PEPD: variants seen among roughly 807,000 people sequenced by gnomAD.
The protein encoded by PEPD is peptidase D.
Under a neutral mutation model 60.7 loss-of-function variants are expected in PEPD, and 53 were observed. That is an observed-to-expected ratio of 0.87 (90% confidence interval 0.70 to 1.10). The LOEUF is 1.10. Among genes scored for constraint, PEPD ranks in the 50% least tolerant of loss-of-function variants. PEPD has a pLI of 0.00. For missense variants in PEPD, 711 were observed against 711.9 expected, an observed-to-expected ratio of 1.00 and a Z score of 0.01; for synonymous variants, 267 against 284.1, an observed-to-expected ratio of 0.94 and a Z score of 0.60.
Position 33,447,953 on chromosome 19 carries a change from C to T in PEPD, c.671+15042G>A, listed in dbSNP as rs141041423. 7.0e-3 allele frequency among the ~76,000 whole-genome samples: 1,067 copies of T among 152,282 alleles called. 6 individuals carry two copies. The highest frequency in any genetic ancestry group is 0.011 in the South Asian group (54 of 4,822). On this transcript the variant is annotated intron_variant, in intron 9 of 14. Coordinates refer to ENST00000244137, the MANE Select transcript of PEPD (RefSeq NM_000285.4). ...AGCCCCGGAACACAGAGCCTGCTGT[C>T]GGAGTATCTAACAGGGATGGGGAGG...
chr19:33,493,899 G>A (rs527541987), intron 4 of PEPD, among the ~76,000 whole-genome samples: 44 of 148,712 alleles, frequency 3.0e-4, no homozygotes, highest in Middle Eastern at 3.4e-3. Flanking sequence ...GTTACTTCCC[G>A]GCCCAAGCCC....
Position 33,521,767 on chromosome 19 carries a change from C to G in PEPD, c.-7G>C. The G allele has an allele frequency of 2.5e-6, 4 of 1,575,962 alleles. No homozygotes were observed. Among genetic ancestry groups the G allele is most frequent in the Non-Finnish European group, 2.6e-6 (3 of 1,166,120 alleles). Reference sequence around the variant, plus strand: ...ACCCGGTGGCCGCCGCCATGTTCGCCCGGCACCGGCGTCACGTGAAGTGCG... The same window carrying G: ...ACCCGGTGGCCGCCGCCATGTTCGCGCGGCACCGGCGTCACGTGAAGTGCG... On this transcript the variant is annotated 5_prime_UTR_variant, in exon 1 of 15. Coordinates refer to ENST00000244137, the MANE Select transcript of PEPD (RefSeq NM_000285.4).
chr19:33,391,435 G>A lies in PEPD; in HGVS notation c.1012C>T (p.Leu338=), dbSNP rs1258386069. 3 of 1,561,750 alleles carry A rather than the reference G, an allele frequency of 1.9e-6. No homozygotes were observed. In the South Asian group the frequency reaches 3.5e-5, roughly 18 times the overall value. ...DMHRLADRIH[L]EELAHMGILS... ...ATGCCCATGTGGGCCAGCTCCTCCA[G>A]GTGGATGCGGTCAGCCAGGCGGTGC... The change falls in exon 13 of 15, where the codon CTG becomes TTG. Residue 338 remains leucine (L), a synonymous_variant. Coordinates refer to ENST00000244137, the MANE Select transcript of PEPD (RefSeq NM_000285.4).
intron 9 of PEPD, among the ~76,000 whole-genome samples, chr19:33,416,347 G>A (rs1968891648): frequency 6.6e-6 from 1 of 152,178 alleles, no homozygotes; most frequent in Non-Finnish European, 1.5e-5. Context: ...CCTGGAGCAG[G>A]CTAGCTACTA....
intron 9 of PEPD, among the ~76,000 whole-genome samples, chr19:33,441,435 G>A (rs538947053): frequency 6.6e-6 from 1 of 152,176 alleles, no homozygotes; most frequent in Non-Finnish European, 1.5e-5. Flanking sequence ...CAGGAAATAC[G>A]GCCGCCTGCA....
intron 4 of PEPD, among the ~76,000 whole-genome samples, chr19:33,498,743 G>A (rs1970655317): frequency 6.6e-6 from 1 of 151,368 alleles, no homozygotes; most frequent in Admixed American, 6.6e-5. Flanking sequence ...CAGGGTCCTG[G>A]AGGCAGGTGC....
At chr19:33,428,734 T>C (rs1248306422) in intron 9 of PEPD, among the ~76,000 whole-genome samples, 1 of 152,158 alleles carries the variant, frequency 6.6e-6, no homozygotes, top group Admixed American at 6.5e-5. Flanking sequence ...CTCCCAGTCT[T>C]GAAGGGCACT....
intron 9 of PEPD, among the ~76,000 whole-genome samples, chr19:33,436,217 AGAGGG>A (rs1165525882): frequency 3.4e-5 from 5 of 145,138 alleles, no homozygotes; most frequent in Non-Finnish European, 7.6e-5. Context: ...GAGAAGAGGG[AGAGGG>A]AGAGGGAGAG....
At chr19:33,495,980 T>C (rs1382355358) in intron 4 of PEPD, among the ~76,000 whole-genome samples, 1 of 150,000 alleles carries the variant, frequency 6.7e-6, no homozygotes, top group East Asian at 2.0e-4. Context: ...CAACTCAGTA[T>C]CAAAAACAAA....
chr19:33,503,619 G>A (rs557155519), intron 3 of PEPD, among the ~76,000 whole-genome samples: 73 of 152,212 alleles, frequency 4.8e-4, no homozygotes, highest in Non-Finnish European at 8.4e-4. Context: ...CCCACAGCCC[G>A]GCACAAAAGC....
intron 5 of PEPD, among the ~76,000 whole-genome samples, chr19:33,492,185 G>T (rs1388588015): frequency 1.3e-5 from 2 of 151,898 alleles, no homozygotes; most frequent in Non-Finnish European, 2.9e-5. Context: ...ATTCTTTGGG[G>T]GCACACCACA....
intron 11 of PEPD, among the ~76,000 whole-genome samples, chr19:33,411,122 G>C (rs922699995): frequency 6.6e-6 from 1 of 152,200 alleles, no homozygotes; most frequent in African/African-American, 2.4e-5. Flanking sequence ...CTTCTATGAA[G>C]AACTGTGAGC....
intron 1 of PEPD, among the ~76,000 whole-genome samples, chr19:33,517,526 T>A (rs1971045424): frequency 6.6e-6 from 1 of 150,520 alleles, no homozygotes; most frequent in East Asian, 2.0e-4. Context: ...GCCACCGCAC[T>A]CCAGCCTGGG....
At position 33,423,095 on chromosome 19, in the gene PEPD, T is replaced by TCATCCATCCATCCATCCATCCATC. The variant is rs56734200; in HGVS notation, c.672-9476_672-9453dup. 5.8e-3 allele frequency among the ~76,000 whole-genome samples: 849 copies of TCATCCATCCATCCATCCATCCATC among 147,452 alleles called. 12 individuals carry two copies. The highest frequency in any genetic ancestry group is 0.044 in the East Asian group (212 of 4,766). Reference sequence around the variant, plus strand: ...ATCAGCCTACATACTTACCTACTTATCATCCATCCATCCATCCATCCATCC... The same window carrying TCATCCATCCATCCATCCATCCATC: ...ATCAGCCTACATACTTACCTACTTATCATCCATCCATCCATCCATCCATCCATCCATCCATCCATCCATCCATCC... On this transcript the variant is annotated intron_variant, in intron 9 of 14. Transcript: ENST00000244137.
chr19:33,486,449 G>A (rs989697537), intron 6 of PEPD, among the ~76,000 whole-genome samples: 6 of 151,890 alleles, frequency 4.0e-5, no homozygotes, highest in East Asian at 1.9e-4. Context: ...AGACCATCCC[G>A]GCCTACACCC....
At chr19:33,417,232 T>C (rs980582742) in intron 9 of PEPD, among the ~76,000 whole-genome samples, 1 of 152,214 alleles carries the variant, frequency 6.6e-6, no homozygotes, top group Non-Finnish European at 1.5e-5. Flanking sequence ...ATCATTCCCT[T>C]TCCCCGGCTG....
intron 6 of PEPD, among the ~76,000 whole-genome samples, chr19:33,481,342 A>C (rs1264922757): frequency 2.0e-5 from 3 of 151,786 alleles, no homozygotes; most frequent in South Asian, 4.2e-4. Flanking sequence ...TAAGGCGGGC[A>C]GATCACCTGA....
intron 9 of PEPD, among the ~76,000 whole-genome samples, chr19:33,442,393 T>A: frequency 7.9e-6 from 1 of 127,040 alleles, no homozygotes; most frequent in East Asian, 2.4e-4. Context: ...GGTGACAGAG[T>A]GAGACTCTGT....
rs1477509674 is a variant in PEPD at position 33,392,707 on chromosome 19, C to T, written c.968-1228G>A. 3.3e-5 allele frequency among the ~76,000 whole-genome samples: 5 copies of T among 152,340 alleles called. No homozygotes were observed. The East Asian group carries it at 9.7e-4, about 29-fold the overall frequency. On this transcript the variant is annotated intron_variant, in intron 12 of 14. Transcript: ENST00000244137. ...CCTTGGCGCAGAGCCAGAGCCTGCT[C>T]TGCATGGTCCCGATCACTGCTGTGG... is the stretch of plus-strand genomic sequence containing the variant.
Sources: allele counts gnomAD v4.1 joint callset (sites outside exome capture counted in the v4.1 genomes callset), GRCh38; gene constraint gnomAD v4.1.1; transcripts MANE v1.5; gene names NCBI Gene and HGNC (gene_info 2026-07-23, HGNC 2026-07-21).